ULK4: variants seen among roughly 807,000 people sequenced by gnomAD.
ULK4 encodes unc-51 like kinase 4.
ULK4 carries 133 observed loss-of-function variants against 160.6 expected under a neutral mutation model. That is an observed-to-expected ratio of 0.83 (90% CI 0.72 to 0.96). ULK4 has a LOEUF of 0.96. Among genes scored for constraint, ULK4 ranks in the 40% least tolerant of loss-of-function variants. ULK4 has a pLI of 0.00. For synonymous variants in ULK4, 534 were observed against 539.8 expected (o/e 0.99, Z 0.15); for missense variants, 1,580 against 1,499.5 (o/e 1.05, Z -0.89).
intron 32 of ULK4, among the ~76,000 whole-genome samples, chr3:41,469,624 A>C (rs1457388432): frequency 1.3e-5 from 2 of 148,986 alleles, no homozygotes; most frequent in East Asian, 1.9e-4. Flanking sequence ...AAAAAAAAAA[A>C]AAACACCTTA....
rs749756575 is a variant in ULK4 at position 41,706,849 on chromosome 3, A to ATGTGTGTG, written c.2635-1552_2635-1545dup. ...TCTCAAAAAAAAAAAAAAAAAAAAT[A>ATGTGTGTG]TGTGTGTGTGTGTGTGTGTGTGTGT... On this transcript the variant is annotated intron_variant, in intron 25 of 36. Transcript: ENST00000301831. Among the ~76,000 whole-genome samples the ATGTGTGTG allele has an allele frequency of 1.8e-3, 188 of 102,374 alleles. 3 individuals carry two copies. Among genetic ancestry groups the ATGTGTGTG allele is most frequent in the African/African-American group, 8.8e-3 (172 of 19,612 alleles). The allele number at this position is 102,374 out of a possible 152,430, so 67.2% of individuals were successfully genotyped here.
chr3:41,266,086 G>A (rs777057112), intron 35 of ULK4, among the ~76,000 whole-genome samples: 28 of 152,206 alleles, frequency 1.8e-4, no homozygotes, highest in African/African-American at 6.8e-4. Flanking sequence ...GGTCTCCCAG[G>A]CCTCCAAGGG....
intron 35 of ULK4, among the ~76,000 whole-genome samples, chr3:41,255,061 G>A (rs986059720): frequency 1.3e-5 from 2 of 150,098 alleles, no homozygotes; most frequent in East Asian, 2.0e-4. Flanking sequence ...ATTTCAAGCT[G>A]TATATAAACA....
rs955635944 is a variant in ULK4, at chr3:41,681,778, C to T, written c.2808G>A (p.Leu936=). The change falls in exon 28 of 37, where the codon TTG becomes TTA. Residue 936 remains leucine, a synonymous_variant. Coordinates refer to ENST00000301831, the MANE Select transcript of ULK4 (RefSeq NM_017886.4). ...STVVDYILPP[L]VSLVQSQNVE... is the part of the protein sequence containing the mutation. ...CATTTTGGCTTTGAACCAAGGACACCAAGGGTGGCAGTATATAGTCAACAA... is the reference window on the plus strand; with the variant it reads ...CATTTTGGCTTTGAACCAAGGACACTAAGGGTGGCAGTATATAGTCAACAA... The T allele has an allele frequency of 6.2e-7, 1 of 1,614,002 alleles. No individual in the cohort carries two copies. Among genetic ancestry groups the T allele is most frequent in the Non-Finnish European group, 8.5e-7 (1 of 1,179,946 alleles).
intron 21 of ULK4, among the ~76,000 whole-genome samples, chr3:41,757,799 T>C (rs1391360467): frequency 3.3e-5 from 5 of 151,872 alleles, no homozygotes; most frequent in African/African-American, 1.2e-4. Context: ...GGCTAATTTT[T>C]TGTATTTTTA....
intron 32 of ULK4, among the ~76,000 whole-genome samples, chr3:41,530,080 A>C (rs1438264465): frequency 6.6e-6 from 1 of 152,206 alleles, no homozygotes; most frequent in Non-Finnish European, 1.5e-5. Context: ...AATATACTAA[A>C]AAATATACTG....
chr3:41,732,452 T>C (rs556061999), intron 22 of ULK4, among the ~76,000 whole-genome samples: 22 of 151,516 alleles, frequency 1.5e-4, no homozygotes, highest in Non-Finnish European at 2.7e-4. Context: ...TTAACAAAAA[T>C]AATAATAATA....
intron 32 of ULK4, among the ~76,000 whole-genome samples, chr3:41,489,038 C>G (rs1450504711): frequency 6.6e-6 from 1 of 152,066 alleles, no homozygotes; most frequent in Admixed American, 6.6e-5. Context: ...CTCCTCCAAA[C>G]CCCCAACCCC....
chr3:41,544,027 C>T (rs374982901), intron 32 of ULK4, among the ~76,000 whole-genome samples: 15 of 152,052 alleles, frequency 9.9e-5, no homozygotes, highest in African/African-American at 3.6e-4. Context: ...CATATTGGTC[C>T]TTTCAGAAAT....
intron 35 of ULK4, among the ~76,000 whole-genome samples, chr3:41,254,778 G>A (rs543651155): frequency 1.3e-5 from 2 of 151,918 alleles, no homozygotes; most frequent in African/African-American, 4.8e-5. Context: ...AGCTACTCAG[G>A]AGGCTGAGGC....
chr3:41,742,625 T>C (rs1002235653), intron 22 of ULK4, among the ~76,000 whole-genome samples: 4 of 151,786 alleles, frequency 2.6e-5, no homozygotes, highest in African/African-American at 7.3e-5. Flanking sequence ...AAAAAGACCA[T>C]CAACACATAC....
Position 41,292,127 on chromosome 3 carries a change from C to G in ULK4, c.3679-42553G>C, listed in dbSNP as rs567670490. Among the ~76,000 whole-genome samples the G allele has an allele frequency of 7.2e-5, 11 of 152,196 alleles. 1 individual carries two copies. The South Asian group carries it at 2.3e-3, about 32-fold the overall frequency. On this transcript the variant is annotated intron_variant, in intron 35 of 36. Transcript: ENST00000301831. ...GGATTACAGGCATGAGCCACCGCGC[C>G]CGGCCTCACTTGTGATTTTCTCTAG...
intron 35 of ULK4, among the ~76,000 whole-genome samples, chr3:41,278,662 CTGGAG>C (rs2079279808): frequency 1.3e-5 from 2 of 152,172 alleles, no homozygotes; most frequent in Non-Finnish European, 2.9e-5. Context: ...CAAAAAGGGT[CTGGAG>C]TGGACCTCCA....
chr3:41,931,381 G>A (rs139303313), intron 5 of ULK4, among the ~76,000 whole-genome samples: 107 of 148,548 alleles, frequency 7.2e-4, no homozygotes, highest in African/African-American at 2.6e-3. Context: ...ACCTAATGTA[G>A]ATGACAGGTT....
At chr3:41,327,103 A>C (rs568390200) in intron 35 of ULK4, among the ~76,000 whole-genome samples, 1 of 152,216 alleles carries the variant, frequency 6.6e-6, no homozygotes, top group Admixed American at 6.5e-5. Flanking sequence ...CTTTGGGGCT[A>C]TTTATTTTAT....
chr3:41,334,187 G>A (rs555980860), intron 35 of ULK4, among the ~76,000 whole-genome samples: 7 of 152,242 alleles, frequency 4.6e-5, no homozygotes, highest in African/African-American at 9.6e-5. Context: ...GGCTAAACAC[G>A]GAGGGCTTGT....
At chr3:41,860,712 C>T (rs1378005191) in intron 17 of ULK4, among the ~76,000 whole-genome samples, 1 of 152,174 alleles carries the variant, frequency 6.6e-6, no homozygotes, top group African/African-American at 2.4e-5. Flanking sequence ...AGTCCATTTA[C>T]ATTCAATGTT....
At chr3:41,681,162 G>T (rs1362203903) in intron 29 of ULK4, among the ~76,000 whole-genome samples, 1 of 152,162 alleles carries the variant, frequency 6.6e-6, no homozygotes, top group African/African-American at 2.4e-5. Context: ...GCCAGGAGAA[G>T]TCTCAATTTC....
At chr3:41,617,579 C>A (rs768778984) in intron 30 of ULK4, among the ~76,000 whole-genome samples, 29 of 152,118 alleles carry the variant, frequency 1.9e-4, no homozygotes, top group Non-Finnish European at 3.5e-4. Flanking sequence ...ACATCAACAT[C>A]AACATAAAAA....
Sources: gnomAD v4.1 joint callset for allele counts (sites outside exome capture counted in the v4.1 genomes callset) on GRCh38, gnomAD v4.1.1 for gene constraint, MANE v1.5 for transcripts, NCBI Gene and HGNC (gene_info 2026-07-23, HGNC 2026-07-21) for gene names.